TP63: variants seen among roughly 807,000 people sequenced by gnomAD.
TP63 encodes the protein tumor protein 63.
In TP63, 17 loss-of-function variants were observed where a neutral mutation model predicts 82.8. The observed-to-expected ratio is 0.21, with a 90% CI of 0.14 to 0.31. The LOEUF (loss-of-function observed/expected upper bound fraction) is 0.31, where lower values mean the gene tolerates loss of function less well. Among genes scored for constraint, TP63 ranks in the 10% least tolerant of loss-of-function variants. The pLI is 1.00. For missense variants in TP63, 648 were observed against 895.3 expected (o/e 0.72, Z 3.52); for synonymous variants, 330 against 321.7 (o/e 1.03, Z -0.28).
At chr3:189,824,215 A>T (rs1424294534) in intron 4 of TP63, among the ~76,000 whole-genome samples, 1 of 151,316 alleles carries the variant, frequency 6.6e-6, no homozygotes, top group Non-Finnish European at 1.5e-5. Flanking sequence ...TTATTTTATT[A>T]TTATTATTAT....
intron 4 of TP63, among the ~76,000 whole-genome samples, chr3:189,817,484 A>G (rs1728314662): frequency 6.6e-6 from 1 of 152,164 alleles, no homozygotes; most frequent in African/African-American, 2.4e-5. Context: ...TTTACTTGGC[A>G]AGATTGCTGT....
At chr3:189,879,638 C>CT (rs1430751187) in intron 10 of TP63, among the ~76,000 whole-genome samples, 3 of 151,766 alleles carry the variant, frequency 2.0e-5, no homozygotes, top group East Asian at 1.9e-4. Flanking sequence ...TTCTTCATTC[C>CT]TTTTTTTTAA....
chr3:189,811,823 T>C (rs1727600967), intron 4 of TP63, among the ~76,000 whole-genome samples: 1 of 152,172 alleles, frequency 6.6e-6, no homozygotes, highest in Non-Finnish European at 1.5e-5. Context: ...CTAGTTAGAC[T>C]GTTTCTCCTC....
At chr3:189,831,658 G>A (rs774139566) in intron 4 of TP63, among the ~76,000 whole-genome samples, 8 of 151,242 alleles carry the variant, frequency 5.3e-5, no homozygotes, top group Admixed American at 2.7e-4. Flanking sequence ...ATTCTGCACC[G>A]TTTGAGCTCC....
intron 1 of TP63, among the ~76,000 whole-genome samples, chr3:189,679,623 T>C (rs1715737651): frequency 1.3e-5 from 2 of 152,038 alleles, no homozygotes; most frequent in Admixed American, 1.3e-4. Context: ...TGTACAAAAG[T>C]TTTTTTGTTT....
intron 3 of TP63, among the ~76,000 whole-genome samples, chr3:189,767,317 T>C (rs1723029111): frequency 6.6e-6 from 1 of 152,180 alleles, no homozygotes. Flanking sequence ...ATAACTCACA[T>C]AACATGTTCT....
At chr3:189,632,637 G>T (rs1021866061) in intron 1 of TP63, among the ~76,000 whole-genome samples, 3 of 152,008 alleles carry the variant, frequency 2.0e-5, no homozygotes, top group African/African-American at 7.2e-5. Flanking sequence ...AAAAGAAAAG[G>T]GTGAAAAAAG....
At chr3:189,718,944 A>G (rs934809462) in intron 1 of TP63, among the ~76,000 whole-genome samples, 1 of 152,218 alleles carries the variant, frequency 6.6e-6, no homozygotes, top group African/African-American at 2.4e-5. Flanking sequence ...TATAAAGAAT[A>G]TGTGAAGAAC....
In TP63 at chr3:189,710,340, G is replaced by T. The variant is rs111359192; in HGVS notation, c.63-27400G>T. The stretch of plus-strand genomic sequence containing the variant: ...TCAATATGTGACTGAGCTAGGATTT[G>T]AACTCAGCTACAAAACTCAGCTTTA... On this transcript the variant is annotated intron_variant, in intron 1 of 13. Transcript: ENST00000264731. Among the ~76,000 whole-genome samples, 588 of 152,250 alleles carry T rather than the reference G, an allele frequency of 3.9e-3. 1 individual carries two copies. The highest frequency in any genetic ancestry group is 0.014 in the African/African-American group (570 of 41,534).
In TP63 at chr3:189,868,693, A is replaced by G. The variant is rs772847941; in HGVS notation, c.1106A>G (p.Lys369Arg). ...AAGCAGCAAGTTTCGGACAGTACAAAGAACGGTGATGGTACGAAGCGCCGT... is the reference window on the plus strand; with the variant it reads ...AAGCAGCAAGTTTCGGACAGTACAAGGAACGGTGATGGTACGAAGCGCCGT... ...IRKQQVSDST[K>R]NGDGTKRPFR... Residue 369 changes from lysine to arginine, a missense_variant, in exon 8 of 14, where the codon AAG becomes AGG. By Grantham distance (26) the Lys-to-Arg change is conservative. Coordinates refer to ENST00000264731, the MANE Select transcript of TP63 (RefSeq NM_003722.5). 1.9e-6 allele frequency: 3 copies of G among 1,613,976 alleles called. No individual in the cohort carries two copies. Among genetic ancestry groups the G allele is most frequent in the East Asian group, 2.2e-5 (1 of 44,876 alleles).
intron 1 of TP63, among the ~76,000 whole-genome samples, chr3:189,674,949 A>G (rs539953663): frequency 6.6e-6 from 1 of 152,188 alleles, no homozygotes; most frequent in Admixed American, 6.5e-5. Flanking sequence ...TGACAAAATC[A>G]TGTATTTTGT....
chr3:189,731,526 A>G (rs1446362187), intron 1 of TP63, among the ~76,000 whole-genome samples: 1 of 152,110 alleles, frequency 6.6e-6, no homozygotes, highest in Non-Finnish European at 1.5e-5. Flanking sequence ...TTGGAATCTG[A>G]AATTTTAGAG....
intron 3 of TP63, among the ~76,000 whole-genome samples, chr3:189,806,872 C>A (rs559934611): frequency 1.5e-4 from 23 of 152,064 alleles, no homozygotes; most frequent in African/African-American, 5.3e-4. Flanking sequence ...CACTTCTCCT[C>A]CCCCTGTGGA....
intron 4 of TP63, among the ~76,000 whole-genome samples, chr3:189,839,512 C>T (rs2108735726): frequency 6.6e-6 from 1 of 152,248 alleles, no homozygotes; most frequent in African/African-American, 2.4e-5. Flanking sequence ...TTATTTCAAT[C>T]TCCCTCCCCT....
At chr3:189,701,880 C>A (rs796748808) in intron 1 of TP63, among the ~76,000 whole-genome samples, 4 of 152,044 alleles carry the variant, frequency 2.6e-5, no homozygotes, top group African/African-American at 9.7e-5. Flanking sequence ...ATCTGAAGGA[C>A]CTCTGTTTGT....
At chr3:189,600,766 A>G in the TP63 span, among the ~76,000 whole-genome samples, 5 of 152,200 alleles carry the variant, frequency 3.3e-5, no homozygotes, top group African/African-American at 7.2e-5. Context: ...AGTAGGTTCA[A>G]TAAGAGTTGC....
intron 1 of TP63, among the ~76,000 whole-genome samples, chr3:189,730,772 C>G (rs899226767): frequency 2.0e-5 from 3 of 152,166 alleles, no homozygotes; most frequent in African/African-American, 7.2e-5. Flanking sequence ...TTCTCTCTTA[C>G]AACTGCTGAC....
intron 1 of TP63, among the ~76,000 whole-genome samples, chr3:189,703,358 GGA>G (rs1717954394): frequency 6.6e-6 from 1 of 152,012 alleles, no homozygotes; most frequent in Non-Finnish European, 1.5e-5. Flanking sequence ...ACTGGGAGGT[GGA>G]GATTGTAGTG....
At chr3:189,672,321 C>G (rs1714958431) in intron 1 of TP63, among the ~76,000 whole-genome samples, 1 of 151,970 alleles carries the variant, frequency 6.6e-6, no homozygotes. Flanking sequence ...TTGAAAAAGG[C>G]TGGGTGCAGT....
Sources: gnomAD v4.1 joint callset for allele counts (sites outside exome capture counted in the v4.1 genomes callset) on GRCh38, gnomAD v4.1.1 for gene constraint, MANE v1.5 for transcripts, NCBI Gene and HGNC (gene_info 2026-07-23, HGNC 2026-07-21) for gene names.